LRRC37A: variants seen among roughly 807,000 people sequenced by gnomAD.
LRRC37A encodes the protein leucine-rich repeat-containing protein 37A.
A neutral mutation model predicts 35.4 loss-of-function variants in LRRC37A; 3 were observed. The ratio of observed to expected loss-of-function variants is 0.08; its 90% CI spans 0.04 to 0.22. LRRC37A has a LOEUF of 0.22. LRRC37A is among the 10% of genes least tolerant of loss of function. LRRC37A has a pLI of 1.00. For missense variants in LRRC37A, 67 were observed against 565.3 expected, an observed-to-expected ratio of 0.12 and a Z score of 8.94; for synonymous variants, 23 against 215.0, an observed-to-expected ratio of 0.11 and a Z score of 7.81.
the LRRC37A span, among the ~76,000 whole-genome samples, chr17:46,257,018 A>G: frequency 2.0e-5 from 3 of 152,268 alleles, no homozygotes; most frequent in Non-Finnish European, 4.4e-5. Context: ...GAGCACTGGC[A>G]GAAGCTAGCG....
At chr17:46,252,967 C>G in the LRRC37A span, among the ~76,000 whole-genome samples, 3 of 147,172 alleles carry the variant, frequency 2.0e-5, 1 homozygote, top group Non-Finnish European at 3.1e-5. Flanking sequence ...GGCTGCCGGG[C>G]GGAGACGCTC....
At chr17:46,264,923 A>G in the LRRC37A span, among the ~76,000 whole-genome samples, 1 of 152,276 alleles carries the variant, frequency 6.6e-6, no homozygotes, top group Non-Finnish European at 1.5e-5. Flanking sequence ...TAACTGAGAA[A>G]TCTTAAGCCT....
At chr17:46,265,291 CTT>C in the LRRC37A span, among the ~76,000 whole-genome samples, 28 of 107,914 alleles carry the variant, frequency 2.6e-4, no homozygotes, top group East Asian at 3.8e-3. Context: ...TCTTCTTCTT[CTT>C]CTTCTTCTTC....
chr17:46,272,112 C>T, the LRRC37A span, among the ~76,000 whole-genome samples: 5 of 152,330 alleles, frequency 3.3e-5, no homozygotes, highest in Admixed American at 2.6e-4. Flanking sequence ...AAAAGCTTTA[C>T]CAATAGGAAA....
At chr17:46,250,087 A>G in the LRRC37A span, among the ~76,000 whole-genome samples, 2 of 152,014 alleles carry the variant, frequency 1.3e-5, no homozygotes, top group Admixed American at 1.3e-4. Flanking sequence ...GTGAGCCACC[A>G]TGCCTGGCCA....
chr17:46,258,567 G>A, the LRRC37A span, among the ~76,000 whole-genome samples: 1 of 152,118 alleles, frequency 6.6e-6, no homozygotes, highest in Non-Finnish European at 1.5e-5. Flanking sequence ...GTAAAAATGT[G>A]GAACCAGTCC....
At chr17:46,270,263 C>T in the LRRC37A span, among the ~76,000 whole-genome samples, 9 of 152,314 alleles carry the variant, frequency 5.9e-5, no homozygotes, top group African/African-American at 2.2e-4. Context: ...ACATAAAGGA[C>T]ATCCAGGACG....
the LRRC37A span, among the ~76,000 whole-genome samples, chr17:46,273,359 C>T: frequency 3.3e-5 from 5 of 152,146 alleles, no homozygotes; most frequent in African/African-American, 1.2e-4. Context: ...TGATTAGTCT[C>T]TTTAGTTTGT....
the LRRC37A span, among the ~76,000 whole-genome samples, chr17:46,257,678 C>A: frequency 6.7e-6 from 1 of 149,974 alleles, no homozygotes; most frequent in Non-Finnish European, 1.5e-5. Flanking sequence ...ACACCAAAGT[C>A]AGGTGTGGTG....
the LRRC37A span, chr17:46,267,198 C>T: frequency 1.6e-6 from 1 of 623,662 alleles, no homozygotes; most frequent in Non-Finnish European, 2.7e-6. Flanking sequence ...TTTCCGAGTC[C>T]CGGAGAATCC....
chr17:46,284,379 A>G, the LRRC37A span, among the ~76,000 whole-genome samples: 1 of 152,244 alleles, frequency 6.6e-6, no homozygotes, highest in Admixed American at 6.5e-5. Context: ...AACAAAGCAC[A>G]TCTTGCACAG....
At chr17:46,259,337 G>C in the LRRC37A span, among the ~76,000 whole-genome samples, 1 of 152,142 alleles carries the variant, frequency 6.6e-6, no homozygotes, top group African/African-American at 2.4e-5. Flanking sequence ...GGGCTGGGAG[G>C]GGGAGGGCAA....
At chr17:46,291,979 A>AC, upstream of LRRC37A, among the ~76,000 whole-genome samples, 3 of 122,782 alleles carry the variant, frequency 2.4e-5, no homozygotes, top group African/African-American at 8.6e-5. Flanking sequence ...CAAAAAAAAA[A>AC]AAAAAAAAGC....
At chr17:46,265,965 C>T in the LRRC37A span, among the ~76,000 whole-genome samples, 3 of 152,168 alleles carry the variant, frequency 2.0e-5, no homozygotes, top group South Asian at 2.1e-4. Flanking sequence ...GGCATGGTGG[C>T]GTATGCCTGT....
At chr17:46,253,237 G>A in the LRRC37A span, among the ~76,000 whole-genome samples, 13 of 145,906 alleles carry the variant, frequency 8.9e-5, no homozygotes, top group South Asian at 6.3e-4. Context: ...ATGGGCGGCC[G>A]GGCAGAGACG....
the LRRC37A span, among the ~76,000 whole-genome samples, chr17:46,277,233 A>G: frequency 2.0e-5 from 3 of 152,234 alleles, no homozygotes; most frequent in Non-Finnish European, 2.9e-5. Context: ...AAGACATCCT[A>G]AGTGGCCCCT....
At chr17:46,282,278 T>G in the LRRC37A span, among the ~76,000 whole-genome samples, 1 of 151,924 alleles carries the variant, frequency 6.6e-6, no homozygotes. Context: ...AATTTTTTGT[T>G]ATTTTTAGTA....
upstream of LRRC37A, chr17:46,292,906 T>C (rs1490485178): frequency 2.7e-5 from 2 of 73,304 alleles, 1 homozygote; most frequent in East Asian, 5.1e-4. Context: ...TCTGTAAGCG[T>C]ATAATGGAGC....
chr17:46,261,575 C>A, the LRRC37A span, among the ~76,000 whole-genome samples: 1 of 147,204 alleles, frequency 6.8e-6, no homozygotes, highest in African/African-American at 2.5e-5. Flanking sequence ...CCACACCCAG[C>A]TAATTTTTTG....
Sources: gnomAD v4.1 joint callset for allele counts (sites outside exome capture counted in the v4.1 genomes callset) on GRCh38, gnomAD v4.1.1 for gene constraint, MANE v1.5 for transcripts, NCBI Gene and HGNC (gene_info 2026-07-23, HGNC 2026-07-21) for gene names.